KLF7: variants seen among roughly 807,000 people sequenced by gnomAD.
KLF7 encodes KLF transcription factor 7.
In KLF7, 2 loss-of-function variants were observed where a neutral mutation model predicts 27.3. The observed-to-expected ratio is 0.07, with a 90% confidence interval of 0.03 to 0.23. The LOEUF is 0.23. Ranked by LOEUF, KLF7 falls within the 10% of genes least tolerant of loss-of-function variation. KLF7 has a pLI of 1.00. For missense variants in KLF7, 221 were observed against 394.1 expected, an observed-to-expected ratio of 0.56 and a Z score of 3.72; for synonymous variants, 165 against 162.4, an observed-to-expected ratio of 1.02 and a Z score of -0.12.
Position 207,078,974 on chromosome 2 carries a change from A to G in KLF7, c.*2239T>C, listed in dbSNP as rs2076221385. 6.6e-6 allele frequency: 1 copy of G among 151,510 alleles called. No homozygotes were observed. Among genetic ancestry groups the G allele is most frequent in the Admixed American group, 6.6e-5 (1 of 15,262 alleles). 9.4% of individuals were successfully genotyped at this position (151,510 alleles called of 1,614,324 possible). ...AATACCCTCCAACTAACATACATAC[A>G]ATTGCCTCCGGCAAATGGACAGATT... On this transcript the variant is annotated 3_prime_UTR_variant, in exon 4 of 4. Transcript: ENST00000309446.
rs183210538 is a variant in KLF7, at chr2:207,095,291, G to A, written c.734-6710C>T. Among the ~76,000 whole-genome samples the A allele has an allele frequency of 9.9e-3, 1,497 of 151,940 alleles. 30 individuals are homozygous for A. Among genetic ancestry groups the A allele is most frequent in the African/African-American group, 0.035 (1,460 of 41,442 alleles). On this transcript the variant is annotated intron_variant, in intron 2 of 3. Transcript: ENST00000309446. ...TCTTGATCTCCTGACCTCGTGATCC[G>A]CCCGCCTCGGCCTCCCAAAGTGCTG...
intron 2 of KLF7, among the ~76,000 whole-genome samples, chr2:207,094,565 C>T (rs2076582410): frequency 6.6e-6 from 1 of 152,210 alleles, no homozygotes; most frequent in Non-Finnish European, 1.5e-5. Context: ...ACATCACACT[C>T]AGTCGCACTA....
intron 2 of KLF7, among the ~76,000 whole-genome samples, chr2:207,096,503 T>C (rs958613537): frequency 9.9e-5 from 15 of 152,146 alleles, no homozygotes; most frequent in Admixed American, 2.0e-4. Flanking sequence ...TAAGCTGAGA[T>C]ACGAAGGAGG....
chr2:207,111,967 G>T (rs944634338), intron 2 of KLF7, among the ~76,000 whole-genome samples: 1 of 151,888 alleles, frequency 6.6e-6, no homozygotes, highest in Non-Finnish European at 1.5e-5. Context: ...TTTTCAATCT[G>T]TATCCTGCTT....
At chr2:207,085,616 G>A (rs1439994713) in intron 3 of KLF7, among the ~76,000 whole-genome samples, 5 of 152,182 alleles carry the variant, frequency 3.3e-5, no homozygotes, top group Non-Finnish European at 7.4e-5. Context: ...TGTCTGCAAG[G>A]CCAGGCAGAT....
chr2:207,086,894 C>T (rs2076401154), intron 3 of KLF7, among the ~76,000 whole-genome samples: 1 of 152,238 alleles, frequency 6.6e-6, no homozygotes, highest in Non-Finnish European at 1.5e-5. Context: ...ACAAAGAATT[C>T]ACCTTGGTCC....
At chr2:207,096,545 G>A (rs534225100) in intron 2 of KLF7, among the ~76,000 whole-genome samples, 1 of 152,192 alleles carries the variant, frequency 6.6e-6, no homozygotes, top group African/African-American at 2.4e-5. Context: ...AGAAAGCTCT[G>A]CAGATTTAAA....
chr2:207,091,620 T>C (rs1170693511), intron 2 of KLF7, among the ~76,000 whole-genome samples: 1 of 152,248 alleles, frequency 6.6e-6, no homozygotes, highest in Admixed American at 6.5e-5. Context: ...GAAGGAGCAG[T>C]GCCTGAAGGC....
chr2:207,123,947 G>C lies in KLF7; in HGVS notation c.560C>G (p.Ala187Gly). ...CTTAACGGCCCCCGCAGCCGTCACG[G>C]CTGCTGCAGCTGTTGCGACCCCTCC... ...KVGGVATAAA[A>G]VTAAGAVKSG... Residue 187 changes from alanine (A) to glycine (G), a missense_variant, in exon 2 of 4, where the codon GCC (alanine) becomes GGC (glycine). This residue lies in a region of KLF7 where 180 missense variants were observed against 227.9 expected (regional missense o/e 0.79). Coordinates refer to ENST00000309446, the MANE Select transcript of KLF7 (RefSeq NM_003709.4). 6.2e-7 allele frequency: 1 copy of C among 1,614,152 alleles called. No homozygotes were observed. The highest frequency in any genetic ancestry group is 8.5e-7 in the Non-Finnish European group (1 of 1,180,032).
At chr2:207,142,582 A>C (rs1333758950) in intron 1 of KLF7, among the ~76,000 whole-genome samples, 1 of 152,206 alleles carries the variant, frequency 6.6e-6, no homozygotes, top group Non-Finnish European at 1.5e-5. Flanking sequence ...CAGAGAAGGA[A>C]CCCACTCACT....
rs772796942 is a variant in KLF7 at position 207,124,150 on chromosome 2, T to A, written c.357A>T (p.Leu119=). 7 of 1,614,058 alleles carry A rather than the reference T, an allele frequency of 4.3e-6. No homozygotes were observed. The highest frequency in any genetic ancestry group is 5.9e-6 in the Non-Finnish European group (7 of 1,180,034). The part of the protein sequence containing the change: ...CLSLQPASSS[L]DSYTAVNQAQ... The stretch of plus-strand genomic sequence containing the variant: ...CCTGGTTGACGGCTGTGTAGCTGTC[T>A]AGAGAAGAGCTGGCCGGCTGGAGGC... The change falls in exon 2 of 4, where the codon CTA becomes CTT. Residue 119 remains leucine, a synonymous_variant. Coordinates refer to ENST00000309446, the MANE Select transcript of KLF7 (RefSeq NM_003709.4).
At chr2:207,139,344 T>A (rs966756591) in intron 1 of KLF7, among the ~76,000 whole-genome samples, 24 of 152,238 alleles carry the variant, frequency 1.6e-4, no homozygotes, top group African/African-American at 5.8e-4. Flanking sequence ...CCTGTGAGAC[T>A]GTAATAGGCA....
At chr2:207,124,425 G>C in intron 1 of KLF7, 21 bp from the exon 2 acceptor site, 1 of 1,535,332 alleles carries the variant, frequency 6.5e-7, no homozygotes, top group Non-Finnish European at 8.8e-7. Flanking sequence ...AAGAAGGAGG[G>C]AGAGAAACAG....
At chr2:207,102,613 A>G (rs183567929) in intron 2 of KLF7, among the ~76,000 whole-genome samples, 5 of 152,342 alleles carry the variant, frequency 3.3e-5, no homozygotes, top group East Asian at 3.9e-4. Context: ...CACAAACTAC[A>G]ATGTACTAGG....
intron 2 of KLF7, chr2:207,121,731 A>C (rs879364158): frequency 6.6e-6 from 1 of 152,202 alleles, no homozygotes; most frequent in Non-Finnish European, 1.5e-5. Context: ...CCACCTTGGT[A>C]ATCACTCTGA....
chr2:207,135,759 G>A (rs1242961556), intron 1 of KLF7, among the ~76,000 whole-genome samples: 2 of 151,984 alleles, frequency 1.3e-5, no homozygotes, highest in Non-Finnish European at 2.9e-5. Context: ...GGTAGAACAC[G>A]TCAGTATTTT....
chr2:207,165,487 G>A lies in KLF7; in HGVS notation c.82C>T (p.Leu28=), dbSNP rs752890735. 7 of 1,614,182 alleles carry A rather than the reference G, an allele frequency of 4.3e-6. No individual in the cohort carries two copies. The highest frequency in any genetic ancestry group is 5.9e-6 in the Non-Finnish European group (7 of 1,180,034). Reference sequence around the variant, plus strand: ...TTCACCTGCTGCCAGGTCTCCTCCAGGGATGGTAAAGCTGAGAAGTAGCCG... The same window carrying A: ...TTCACCTGCTGCCAGGTCTCCTCCAAGGATGGTAAAGCTGAGAAGTAGCCG... ...DTGYFSALPS[L]EETWQQTCLE... Residue 28 remains leucine, a synonymous_variant, in exon 1 of 4, where the codon CTG becomes TTG. Transcript: ENST00000309446.
intron 1 of KLF7, among the ~76,000 whole-genome samples, chr2:207,147,973 T>C (rs925601278): frequency 1.3e-5 from 2 of 151,716 alleles, no homozygotes; most frequent in African/African-American, 4.9e-5. Context: ...CCACTTGATC[T>C]GAAGCATTTT....
At chr2:207,135,646 TG>T (rs2077763106) in intron 1 of KLF7, among the ~76,000 whole-genome samples, 1 of 152,192 alleles carries the variant, frequency 6.6e-6, no homozygotes, top group African/African-American at 2.4e-5. Context: ...ATCACAATCC[TG>T]GGTAGGAAGA....
Sources: allele counts gnomAD v4.1 joint callset (sites outside exome capture counted in the v4.1 genomes callset), GRCh38; gene constraint gnomAD v4.1.1; regional missense constraint gnomAD v4.1.1; transcripts MANE v1.5; gene names NCBI Gene and HGNC (gene_info 2026-07-23, HGNC 2026-07-21).